MBNL1: variants seen among roughly 807,000 people sequenced by gnomAD.
MBNL1 encodes muscleblind like splicing regulator 1.
Under a neutral mutation model 42.2 loss-of-function variants are expected in MBNL1, and 8 were observed. The ratio of observed to expected loss-of-function variants is 0.19; its 90% CI spans 0.11 to 0.34. The LOEUF is 0.34. Ranked by LOEUF, MBNL1 falls within the 10% of genes least tolerant of loss-of-function variation. The pLI, the probability that MBNL1 is intolerant of heterozygous loss-of-function variation, is 1.00. For missense variants in MBNL1, 309 were observed against 495.3 expected, an observed-to-expected ratio of 0.62 and a Z score of 3.57; for synonymous variants, 169 against 173.9, an observed-to-expected ratio of 0.97 and a Z score of 0.22.
chr3:152,388,055 G>A (rs1242011218), intron 2 of MBNL1, among the ~76,000 whole-genome samples: 1 of 152,148 alleles, frequency 6.6e-6, no homozygotes, highest in Non-Finnish European at 1.5e-5. Context: ...ATTGTTTTAT[G>A]GGCCAACAGG....
intron 2 of MBNL1, among the ~76,000 whole-genome samples, chr3:152,259,046 C>T (rs981656032): frequency 6.6e-6 from 1 of 152,282 alleles, no homozygotes; most frequent in Admixed American, 6.5e-5. Context: ...ACTGTCCTGG[C>T]TAAGTCTATA....
At chr3:152,303,690 C>T (rs1008985322) in intron 2 of MBNL1, among the ~76,000 whole-genome samples, 7 of 151,954 alleles carry the variant, frequency 4.6e-5, no homozygotes, top group Non-Finnish European at 8.8e-5. Context: ...AGAAAGCCTA[C>T]AGAATGTATT....
chr3:152,450,490 G>T (rs1720515881), intron 6 of MBNL1, among the ~76,000 whole-genome samples: 1 of 152,194 alleles, frequency 6.6e-6, no homozygotes, highest in African/African-American at 2.4e-5. Context: ...GGGCCAGGCA[G>T]GAAACACAAG....
At chr3:152,327,726 G>A (rs2081314914) in intron 2 of MBNL1, among the ~76,000 whole-genome samples, 1 of 151,956 alleles carries the variant, frequency 6.6e-6, no homozygotes, top group Admixed American at 6.6e-5. Context: ...TGTTGTATAT[G>A]AATGTGGTTT....
chr3:152,252,859 G>C (rs1471187316), intron 2 of MBNL1, among the ~76,000 whole-genome samples: 3 of 152,034 alleles, frequency 2.0e-5, no homozygotes, highest in African/African-American at 7.2e-5. Flanking sequence ...TGTGATTCTA[G>C]AGTATTCCTG....
intron 2 of MBNL1, among the ~76,000 whole-genome samples, chr3:152,402,490 A>G (rs2098269634): frequency 6.6e-6 from 1 of 152,136 alleles, no homozygotes; most frequent in South Asian, 2.1e-4. Flanking sequence ...CTGGGACTGT[A>G]TTGCTCTTTC....
chr3:152,441,271 C>T (rs542484335), intron 4 of MBNL1, among the ~76,000 whole-genome samples: 20 of 147,256 alleles, frequency 1.4e-4, no homozygotes, highest in Non-Finnish European at 2.8e-4. Context: ...ATAAAACTTA[C>T]GTTATTTTGA....
At chr3:152,262,573 T>C (rs2036481211) in intron 2 of MBNL1, 1 of 152,254 alleles carries the variant, frequency 6.6e-6, no homozygotes, top group Admixed American at 6.5e-5. Flanking sequence ...ATTGGCATTG[T>C]CAAAGATTGG....
chr3:152,307,310 C>T lies in MBNL1; in HGVS notation c.174+6943C>T, dbSNP rs191888346. 1.1e-3 allele frequency among the ~76,000 whole-genome samples: 160 copies of T among 152,262 alleles called. 2 individuals carry two copies. The highest frequency in any genetic ancestry group is 1.0e-3 in the Non-Finnish European group (70 of 68,008). The stretch of plus-strand genomic sequence containing the variant: ...AGCCTACTATTCATATTTATATAAA[C>T]AGTCACATTTTTATAACTGGAATAT... On this transcript the variant is annotated intron_variant, in intron 2 of 9. Coordinates refer to ENST00000324210, the MANE Select transcript of MBNL1 (RefSeq NM_021038.5).
chr3:152,318,370 G>A (rs914723008), intron 2 of MBNL1, among the ~76,000 whole-genome samples: 1 of 152,106 alleles, frequency 6.6e-6, no homozygotes, highest in African/African-American at 2.4e-5. Context: ...AACTCAACAA[G>A]AAATTATGTA....
intron 4 of MBNL1, among the ~76,000 whole-genome samples, chr3:152,444,193 A>G (rs1287800645): frequency 6.6e-6 from 1 of 152,220 alleles, no homozygotes; most frequent in Admixed American, 6.5e-5. Flanking sequence ...GAGCACGAAA[A>G]TATTAAAAGG....
chr3:152,289,492 T>G (rs772158807), intron 1 of MBNL1, among the ~76,000 whole-genome samples: 7 of 152,072 alleles, frequency 4.6e-5, no homozygotes, highest in Non-Finnish European at 7.4e-5. Flanking sequence ...CGTATCTTAG[T>G]CTTTTAAACC....
chr3:152,275,165 C>G (rs538571549), intron 1 of MBNL1, among the ~76,000 whole-genome samples: 1 of 152,196 alleles, frequency 6.6e-6, no homozygotes, highest in African/African-American at 2.4e-5. Flanking sequence ...GATAACTCTT[C>G]TAGTAGAAAG....
upstream of MBNL1, chr3:152,264,198 T>G (rs925877226): frequency 1.3e-5 from 2 of 152,208 alleles, no homozygotes; most frequent in African/African-American, 4.8e-5. Context: ...TGCAACCCCT[T>G]TGAGGGAAGT....
intron 1 of MBNL1, among the ~76,000 whole-genome samples, chr3:152,287,468 C>G (rs2053207448): frequency 6.6e-6 from 1 of 152,114 alleles, no homozygotes; most frequent in Admixed American, 6.6e-5. Flanking sequence ...TAAGCAGTCT[C>G]TGGTAAGAAT....
intron 2 of MBNL1, among the ~76,000 whole-genome samples, chr3:152,378,378 A>G (rs983075560): frequency 3.3e-5 from 5 of 152,206 alleles, no homozygotes; most frequent in East Asian, 1.9e-4. Context: ...CTCAAGAGAG[A>G]TATAGTAATG....
At chr3:152,346,102 AG>A (rs1401750332) in intron 2 of MBNL1, among the ~76,000 whole-genome samples, 1 of 152,126 alleles carries the variant, frequency 6.6e-6, no homozygotes, top group African/African-American at 2.4e-5. Flanking sequence ...TTCCTAGTCA[AG>A]ATGTCAAATG....
chr3:152,293,228 C>T (rs1215512717), intron 1 of MBNL1, among the ~76,000 whole-genome samples: 2 of 152,150 alleles, frequency 1.3e-5, no homozygotes, highest in Non-Finnish European at 1.5e-5. Context: ...TGTGCTTACC[C>T]CTCACTGAGA....
chr3:152,427,185 G>A (rs1006675690), intron 3 of MBNL1, among the ~76,000 whole-genome samples: 3 of 152,172 alleles, frequency 2.0e-5, no homozygotes, highest in Non-Finnish European at 2.9e-5. Flanking sequence ...ATGGGCCCTG[G>A]ATTTTAGGAA....
Sources: gnomAD v4.1 joint callset for allele counts (sites outside exome capture counted in the v4.1 genomes callset) on GRCh38, gnomAD v4.1.1 for gene constraint, MANE v1.5 for transcripts, NCBI Gene and HGNC (gene_info 2026-07-23, HGNC 2026-07-21) for gene names.